The following SCARF2 variants were observed in gnomAD, a reference collection of about 807,000 sequenced individuals.
The protein encoded by SCARF2 is scavenger receptor class F member 2, also known as scavenger receptor expressed by endothelial cells 2 protein.
Under a neutral mutation model 73.4 loss-of-function variants are expected in SCARF2, and 39 were observed. The ratio of observed to expected loss-of-function variants is 0.53; its 90% confidence interval spans 0.41 to 0.69. The LOEUF is 0.69. Among genes scored for constraint, SCARF2 ranks in the 30% least tolerant of loss-of-function variants. SCARF2 has a pLI of 0.00. For synonymous variants in SCARF2, 605 were observed against 590.0 expected, an observed-to-expected ratio of 1.03 and a Z score of -0.37; for missense variants, 1,148 against 1,303.5, an observed-to-expected ratio of 0.88 and a Z score of 1.84.
Position 20,425,182 on chromosome 22 carries a change from G to T in SCARF2, c.*193C>A. The T allele has an allele frequency of 2.3e-6, 1 of 437,136 alleles. No homozygotes were observed. The highest frequency in any genetic ancestry group is 3.8e-6 in the Non-Finnish European group (1 of 261,526). 27.1% of individuals were successfully genotyped at this position (437,136 alleles called of 1,614,324 possible). A position where few individuals can be genotyped will look rare whatever the true frequency, so the allele number is the denominator to read the frequency against. ...CCTGTCAGGCCTCGACCAACGGGAT[G>T]GGCCCTTCCCGCCAGAGCACACTGC... On this transcript the variant is annotated 3_prime_UTR_variant, in exon 11 of 11. Coordinates refer to ENST00000622235, the MANE Select transcript of SCARF2 (RefSeq NM_182895.5). The surrounding 1 kb of genome is among the most constrained non-coding windows in gnomAD (Gnocchi z 4.6).
chr22:20,430,803 G>T lies in SCARF2; in HGVS notation c.960C>A (p.Thr320=), dbSNP rs1293966307. ...NGTKCDQPCA[T]GFYGEGCSHR... ...GGCTGCAGCCCTCGCCATAGAAACC[G>T]GTGGCGCAAGGCTGGTCGCACTTGG... is the stretch of plus-strand genomic sequence containing the variant. Residue 320 remains threonine (T), a synonymous_variant, in exon 5 of 11, where the codon ACC becomes ACA. Transcript: ENST00000622235. 1.2e-6 allele frequency: 2 copies of T among 1,606,290 alleles called. No homozygotes were observed. The highest frequency in any genetic ancestry group is 1.7e-6 in the Non-Finnish European group (2 of 1,177,436).
In SCARF2 at chr22:20,432,982, G is replaced by A. The variant is rs556288197; in HGVS notation, c.174-994C>T. Among the ~76,000 whole-genome samples, 26 of 152,348 alleles carry A rather than the reference G, an allele frequency of 1.7e-4. 1 individual carries two copies. The highest frequency in any genetic ancestry group is 5.8e-4 in the African/African-American group (24 of 41,576). On this transcript the variant is annotated intron_variant, in intron 1 of 10. Transcript: ENST00000622235. ...TCCGCCCGCCTCGGCCTCCCAAAGT[G>A]CTGGGATTACAGGCATGAGCCAGCG...
Position 20,425,886 on chromosome 22 carries a change from C to T in SCARF2, c.2090G>A (p.Arg697Lys), listed in dbSNP as rs1263285001. Residue 697 changes from arginine (R) to lysine (K), a missense_variant, in exon 11 of 11, where the codon AGG (arginine) becomes AAG (lysine). Physicochemically the swap from Arg to Lys is conservative, Grantham distance 26 (BLOSUM62 2). Coordinates refer to ENST00000622235, the MANE Select transcript of SCARF2 (RefSeq NM_182895.5). The surrounding 1 kb of genome is among the most constrained non-coding windows in gnomAD (Gnocchi z 4.6). ...CGATTTGTCGCTGGGCGTCCGTTTC[C>T]TCTTGCTGGGGCTGGGCGCGGCCTC... The part of the protein sequence containing the change: ...GSEAAPSPSK[R>K]KRTPSDKSAH... The T allele has an allele frequency of 6.3e-7, 1 of 1,598,612 alleles. No homozygotes were observed. Among genetic ancestry groups the T allele is most frequent in the South Asian group, 1.1e-5 (1 of 89,516 alleles).
chr22:20,430,386 C>A, intron 6 of SCARF2, 43 bp downstream of exon 6: 3 of 1,563,004 alleles, frequency 1.9e-6, no homozygotes, highest in Non-Finnish European at 2.6e-6. Flanking sequence ...CCCTCTGTGG[C>A]AGGTACAAGC....
At chr22:20,434,251 A>G (rs1257960161) in intron 1 of SCARF2, among the ~76,000 whole-genome samples, 2 of 152,148 alleles carry the variant, frequency 1.3e-5, no homozygotes, top group Non-Finnish European at 2.9e-5. Context: ...CTGTGATGGC[A>G]CCACTGCTCT....
rs536283331 is a variant in SCARF2, at chr22:20,430,913, G to C, written c.855-5C>G. The C allele has an allele frequency of 2.0e-5, 32 of 1,587,540 alleles. No homozygotes were observed. In the South Asian group the frequency reaches 3.2e-4, roughly 16 times the overall value. The stretch of plus-strand genomic sequence containing the variant: ...TGGCCCTTGCACTGGCCACACCTGG[G>C]GGAGGGGTCGGAGGCTAGGGAAGGC... On this transcript the variant is annotated splice_polypyrimidine_tract_variant and splice_region_variant and intron_variant, in intron 4 of 10. Coordinates refer to ENST00000622235, the MANE Select transcript of SCARF2 (RefSeq NM_182895.5).
chr22:20,425,813 C>T lies in SCARF2; in HGVS notation c.2163G>A (p.Pro721=), dbSNP rs755904887. Residue 721 remains proline (P), a synonymous_variant, in exon 11 of 11, where the codon CCG becomes CCA. Coordinates refer to ENST00000622235, the MANE Select transcript of SCARF2 (RefSeq NM_182895.5). This position sits in a 1 kb window ranked among gnomAD's most constrained non-coding sequence, Gnocchi z 4.6. The part of the protein sequence containing the change: ...HGSPRTRDPT[P]RPPGLPEEAT... ...CCTCCTCGGGCAGCCCGGGGGGCCG[C>T]GGCGTTGGGTCGCGGGTCCGGGGGC... The T allele has an allele frequency of 6.5e-7, 1 of 1,529,662 alleles. No individual in the cohort carries two copies. The highest frequency in any genetic ancestry group is 8.7e-7 in the Non-Finnish European group (1 of 1,144,902). The allele number at this position is 1,529,662 out of a possible 1,614,324, so 94.8% of individuals were successfully genotyped here. A position where few individuals can be genotyped will look rare whatever the true frequency, so the allele number is the denominator to read the frequency against.
rs1490748078 is a variant in SCARF2 at position 20,429,297 on chromosome 22, C to T, written c.1468G>A (p.Gly490Arg). The change falls in exon 9 of 11, where the codon GGG becomes AGG. Residue 490 changes from glycine to arginine, a missense_variant. By Grantham distance (125) the Gly-to-Arg change is moderately radical. Coordinates refer to ENST00000622235, the MANE Select transcript of SCARF2 (RefSeq NM_182895.5). This position sits in a 1 kb window ranked among gnomAD's most constrained non-coding sequence, Gnocchi z 5.2. ...TTCATGCTGATGCGACTGAAGCGCC[C>T]GCATAGTCGGTGCGGCGCCTTCTTC... ...GRKKAPHRLC[G>R]RFSRISMKLP... 1 of 1,613,200 alleles carries T rather than the reference C, an allele frequency of 6.2e-7. No homozygotes were observed. Among genetic ancestry groups the T allele is most frequent in the African/African-American group, 1.3e-5 (1 of 74,976 alleles).
In SCARF2 at chr22:20,430,808, C is replaced by G; in HGVS notation, c.955G>C (p.Ala319Pro). ...WNGTKCDQPCATGFYGEGCSH... is the reference protein window; with the variant it reads ...WNGTKCDQPCPTGFYGEGCSH... The stretch of plus-strand genomic sequence containing the variant: ...CAGCCCTCGCCATAGAAACCGGTGG[C>G]GCAAGGCTGGTCGCACTTGGTTCCG... The change falls in exon 5 of 11, where the codon GCC becomes CCC. Residue 319 changes from alanine to proline, a missense_variant. Transcript: ENST00000622235. 6.2e-7 allele frequency: 1 copy of G among 1,606,540 alleles called. No individual in the cohort carries two copies. The highest frequency in any genetic ancestry group is 1.1e-5 in the South Asian group (1 of 90,192).
chr22:20,431,768 T>C lies in SCARF2; in HGVS notation c.311A>G (p.Tyr104Cys), dbSNP rs1392961446. 6.3e-7 allele frequency: 1 copy of C among 1,586,150 alleles called. No individual in the cohort carries two copies. The highest frequency in any genetic ancestry group is 8.6e-7 in the Non-Finnish European group (1 of 1,167,894). Residue 104 changes from tyrosine (Y) to cysteine (C), a missense_variant, in exon 3 of 11, where the codon TAC becomes TGC. This residue lies in a region of SCARF2 where 372 missense variants were observed against 532.0 expected (regional missense o/e 0.70). Coordinates refer to ENST00000622235, the MANE Select transcript of SCARF2 (RefSeq NM_182895.5). Reference sequence around the variant, plus strand: ...ACTGGTGTCGCAGTTGGCACCGAAGTAGCCGTGGCGGCAGCGGCACTCGCC... The same window carrying C: ...ACTGGTGTCGCAGTTGGCACCGAAGCAGCCGTGGCGGCAGCGGCACTCGCC... ...RPGECRCRHG[Y>C]FGANCDTKCP...
rs751294924 is a variant in SCARF2, at chr22:20,431,063, C to G, written c.809G>C (p.Arg270Pro). The change falls in exon 4 of 11, where the codon CGC becomes CCC. Residue 270 changes from arginine to proline, a missense_variant. Coordinates refer to ENST00000622235, the MANE Select transcript of SCARF2 (RefSeq NM_182895.5). ...CEPGYRGKYC[R>P]EPCPAGFYGL... ...GTAGAAGCCGGCGGGGCACGGCTCGCGACAGTACTTGCCGCGGTAGCCCGG... is the reference window on the plus strand; with the variant it reads ...GTAGAAGCCGGCGGGGCACGGCTCGGGACAGTACTTGCCGCGGTAGCCCGG... 1 of 1,556,630 alleles carries G rather than the reference C, an allele frequency of 6.4e-7. No individual in the cohort carries two copies.
At chr22:20,433,953 C>T (rs1407294607) in intron 1 of SCARF2, among the ~76,000 whole-genome samples, 2 of 152,218 alleles carry the variant, frequency 1.3e-5, no homozygotes, top group Non-Finnish European at 1.5e-5. Context: ...AGCACTAACC[C>T]CCTTCTGCCC....
Position 20,430,998 on chromosome 22 carries a change from G to A in SCARF2, c.854+20C>T. On this transcript the variant is annotated intron_variant, in intron 4 of 10. Transcript: ENST00000622235. The stretch of plus-strand genomic sequence containing the variant: ...CCGCCCTTCCACCTCCTCCCTCCCT[G>A]GCCGAGAGACCGCGCTTACCGGCGG... The A allele has an allele frequency of 6.4e-7, 1 of 1,566,336 alleles. No individual in the cohort carries two copies. The highest frequency in any genetic ancestry group is 8.6e-7 in the Non-Finnish European group (1 of 1,164,238).
Position 20,432,029 on chromosome 22 carries a change from C to G in SCARF2, c.174-41G>C, listed in dbSNP as rs766610131. 17 of 1,580,278 alleles carry G rather than the reference C, an allele frequency of 1.1e-5. No individual in the cohort carries two copies. The South Asian group carries it at 1.8e-4, about 17-fold the overall frequency. On this transcript the variant is annotated intron_variant, in intron 1 of 10. Transcript: ENST00000622235. ...GGACATCTAAGCCCGATGCCCCTCCCCCAGCCCCCATCTGCTCCGGGCTCC... is the reference window on the plus strand; with the variant it reads ...GGACATCTAAGCCCGATGCCCCTCCGCCAGCCCCCATCTGCTCCGGGCTCC...
Position 20,427,484 on chromosome 22 carries a change from TGCTCCAGCCCTGAGGGTG to T in SCARF2, c.1589_1606del (p.Pro530_Glu535del). 1 of 1,614,122 alleles carries T rather than the reference TGCTCCAGCCCTGAGGGTG, an allele frequency of 6.2e-7. No individual in the cohort carries two copies. The highest frequency in any genetic ancestry group is 1.3e-5 in the African/African-American group (1 of 75,068). On this transcript the variant is annotated inframe_deletion, in exon 10 of 11. Transcript: ENST00000622235. Reference sequence around the variant, plus strand: ...CCGAGAGGACCAGGATGGTGAGGGCTGCTCCAGCCCTGAGGGTGGCTCCAGGAAGCTGCAGTTGAGTGT... The same window carrying T: ...CCGAGAGGACCAGGATGGTGAGGGCTGCTCCAGGAAGCTGCAGTTGAGTGT...
intron 1 of SCARF2, 23 bp from the exon 2 acceptor site, chr22:20,432,011 T>C: frequency 1.9e-6 from 3 of 1,598,946 alleles, no homozygotes; most frequent in Non-Finnish European, 1.7e-6. Flanking sequence ...GGAGGACATC[T>C]AAGCCCGATG....
chr22:20,437,551 C>A (rs745741326), intron 1 of SCARF2, 31 bp downstream of exon 1: 2 of 1,556,494 alleles, frequency 1.3e-6, no homozygotes, highest in South Asian at 1.2e-5. Flanking sequence ...GCGTCCCTCT[C>A]GCCCCCTCCC....
At chr22:20,434,790 A>G (rs571104277) in intron 1 of SCARF2, among the ~76,000 whole-genome samples, 2 of 152,320 alleles carry the variant, frequency 1.3e-5, no homozygotes, top group South Asian at 4.1e-4. Context: ...GAGTTCTTAC[A>G]TCTTCAAGTT....
rs761786923 is a variant in SCARF2, at chr22:20,426,057, A to T, written c.1919T>A (p.Ile640Asn). ...EARPARARGE[I>N]GGLSLSPSPE... Reference sequence around the variant, plus strand: ...CGATGGCGACAGCGACAGGCCCCCAATCTCGCCCCGGGCCCGGGCCGGCCG... The same window carrying T: ...CGATGGCGACAGCGACAGGCCCCCATTCTCGCCCCGGGCCCGGGCCGGCCG... The change falls in exon 11 of 11, where the codon ATT becomes AAT. Residue 640 changes from isoleucine to asparagine, a missense_variant. Ile to Asn is a moderately radical substitution (Grantham distance 149). Around this residue, in one of 5 missense-constraint regions of SCARF2, gnomAD observed 437 missense variants for 433.6 expected, o/e 1.01. Coordinates refer to ENST00000622235, the MANE Select transcript of SCARF2 (RefSeq NM_182895.5). 1.9e-6 allele frequency: 3 copies of T among 1,568,174 alleles called. No homozygotes were observed. Among genetic ancestry groups the T allele is most frequent in the African/African-American group, 2.8e-5 (2 of 70,864 alleles).
Sources: gnomAD v4.1 joint callset for allele counts (sites outside exome capture counted in the v4.1 genomes callset) on GRCh38, gnomAD v4.1.1 for gene constraint, gnomAD v4.1.1 regional missense constraint, Gnocchi (gnomAD v3.1) non-coding constraint, MANE v1.5 for transcripts, NCBI Gene and HGNC (gene_info 2026-07-23, HGNC 2026-07-21) for gene names.